The following THAP4 variants were observed in gnomAD, a reference collection of about 807,000 sequenced individuals.
THAP4 encodes the protein THAP domain containing 4.
A neutral mutation model predicts 48.1 loss-of-function variants in THAP4; 18 were observed. That is an observed-to-expected ratio of 0.37 (90% CI 0.26 to 0.56). THAP4 has a LOEUF of 0.56. Among genes scored for constraint, THAP4 ranks in the 20% least tolerant of loss-of-function variants. The pLI is 0.78. For missense variants in THAP4, 656 were observed against 774.9 expected (o/e 0.85, Z 1.82); for synonymous variants, 345 against 324.9 (o/e 1.06, Z -0.66).
intron 2 of THAP4, among the ~76,000 whole-genome samples, chr2:241,613,032 A>G (rs2067297890): frequency 6.6e-6 from 1 of 152,234 alleles, no homozygotes; most frequent in Admixed American, 6.5e-5. Flanking sequence ...TATTATTAAA[A>G]TCGATTTCAC....
Position 241,590,553 on chromosome 2 carries a change from T to A in THAP4, c.1615-5828A>T, listed in dbSNP as rs142162452. Among the ~76,000 whole-genome samples the A allele has an allele frequency of 8.9e-3, 265 of 29,618 alleles. 1 individual carries two copies. Among genetic ancestry groups the A allele is most frequent in the African/African-American group, 0.016 (94 of 5,954 alleles). 19.4% of individuals were successfully genotyped at this position (29,618 alleles called of 152,430 possible). On this transcript the variant is annotated intron_variant, in intron 5 of 5. Coordinates refer to ENST00000407315, the MANE Select transcript of THAP4 (RefSeq NM_015963.6). ...CGGCTGATGATGGGCACTAGGACAC[T>A]CAGAACTGCCCGGCTGATGATGAGG...
At position 241,633,567 on chromosome 2, in the gene THAP4, G is replaced by C; in HGVS notation, c.590C>G (p.Ala197Gly). ...QGKAEASATD[A>G]GDESATSSIE... ...GGAGGAAGTGGCGCTCTCATCGCCAGCATCTGTGGCAGACGCTTCTGCTTT... is the reference window on the plus strand; with the variant it reads ...GGAGGAAGTGGCGCTCTCATCGCCACCATCTGTGGCAGACGCTTCTGCTTT... Residue 197 changes from alanine (A) to glycine (G), a missense_variant, in exon 2 of 6, where the codon GCT (alanine) becomes GGT (glycine). This residue lies in a region of THAP4 where 391 missense variants were observed against 412.4 expected (regional missense o/e 0.95). Coordinates refer to ENST00000407315, the MANE Select transcript of THAP4 (RefSeq NM_015963.6). The surrounding 1 kb of genome is among the most constrained non-coding windows in gnomAD (Gnocchi z 7.5). 1 of 1,613,756 alleles carries C rather than the reference G, an allele frequency of 6.2e-7. No homozygotes were observed. Among genetic ancestry groups the C allele is most frequent in the South Asian group, 1.1e-5 (1 of 91,070 alleles).
intron 2 of THAP4, 89 bp from the exon 3 acceptor site, chr2:241,606,562 T>C: frequency 7.8e-7 from 1 of 1,285,804 alleles, no homozygotes; most frequent in Admixed American, 2.6e-5. Flanking sequence ...ATATCGACGC[T>C]TGCTTCTGGT....
intron 5 of THAP4, among the ~76,000 whole-genome samples, chr2:241,598,742 T>C (rs969660668): frequency 3.3e-5 from 5 of 151,968 alleles, no homozygotes; most frequent in Admixed American, 6.6e-5. Flanking sequence ...CCTCCTGCAG[T>C]GAGGACTGCA....
rs140816644 is a variant in THAP4 at position 241,605,195 on chromosome 2, T to A, written c.1400+1119A>T. On this transcript the variant is annotated intron_variant, in intron 3 of 5. Transcript: ENST00000407315. Reference sequence around the variant, plus strand: ...ACCTCATGCATTCAATCAATAATAATATAAAAAGGTAGGAGATATTTTTAA... The same window carrying A: ...ACCTCATGCATTCAATCAATAATAAAATAAAAAGGTAGGAGATATTTTTAA... Among the ~76,000 whole-genome samples the A allele has an allele frequency of 3.3e-4, 51 of 152,260 alleles. No homozygotes were observed. In the South Asian group the frequency reaches 0.01, roughly 30 times the overall value.
At chr2:241,608,859 A>G (rs1311138174) in intron 2 of THAP4, among the ~76,000 whole-genome samples, 1 of 152,264 alleles carries the variant, frequency 6.6e-6, no homozygotes, top group African/African-American at 2.4e-5. Flanking sequence ...AAGTGTGCAC[A>G]GACCAGGCAG....
chr2:241,611,868 G>A (rs1212162643), intron 2 of THAP4, among the ~76,000 whole-genome samples: 2 of 152,100 alleles, frequency 1.3e-5, no homozygotes, highest in African/African-American at 2.4e-5. Context: ...GTGTGAACAA[G>A]AGCAGCAAAA....
rs543706275 is a variant in THAP4, at chr2:241,601,264, C to A, written c.1614+632G>T. Among the ~76,000 whole-genome samples, 4 of 152,224 alleles carry A rather than the reference C, an allele frequency of 2.6e-5. No homozygotes were observed. In the East Asian group the frequency reaches 7.7e-4, roughly 29 times the overall value. On this transcript the variant is annotated intron_variant, in intron 5 of 5. Coordinates refer to ENST00000407315, the MANE Select transcript of THAP4 (RefSeq NM_015963.6). The surrounding 1 kb of genome is among the most constrained non-coding windows in gnomAD (Gnocchi z 4.0). ...TTGCATTCCAGCCTGGGCAACAGAG[C>A]GAAACTCCGCCTCAAAAAAGAACAA...
At chr2:241,631,370 C>T (rs984203353) in intron 2 of THAP4, among the ~76,000 whole-genome samples, 8 of 152,064 alleles carry the variant, frequency 5.3e-5, no homozygotes, top group East Asian at 1.9e-4. Flanking sequence ...GGAAACCATC[C>T]GCCATATGTA....
intron 2 of THAP4, among the ~76,000 whole-genome samples, chr2:241,624,036 G>A (rs907412079): frequency 6.6e-6 from 1 of 152,178 alleles, no homozygotes; most frequent in African/African-American, 2.4e-5. Context: ...ACGATGGCAA[G>A]TAGTGGGTCC....
intron 5 of THAP4, among the ~76,000 whole-genome samples, chr2:241,591,267 G>A (rs1006699988): frequency 2.0e-5 from 3 of 151,676 alleles, no homozygotes; most frequent in Non-Finnish European, 2.9e-5. Flanking sequence ...AGAGCTGCTC[G>A]GTCTACAGTG....
rs2066865799 is a variant in THAP4 at position 241,584,419 on chromosome 2, C to T, written c.*187G>A. On this transcript the variant is annotated 3_prime_UTR_variant, in exon 6 of 6. Transcript: ENST00000407315. ...TACGCAAGTGATAATATTCAAAATC[C>T]TCAGCCATAAAAATAAAGGCCTTTT... 1.7e-6 allele frequency: 1 copy of T among 599,860 alleles called. No individual in the cohort carries two copies. The highest frequency in any genetic ancestry group is 1.9e-5 in the African/African-American group (1 of 53,930). 37.2% of individuals were successfully genotyped at this position (599,860 alleles called of 1,614,324 possible). A position where few individuals can be genotyped will look rare whatever the true frequency, so the allele number is the denominator to read the frequency against.
chr2:241,595,362 G>A (rs2067035250), intron 5 of THAP4, among the ~76,000 whole-genome samples: 1 of 152,170 alleles, frequency 6.6e-6, no homozygotes. Flanking sequence ...AGACAGCCGG[G>A]TGCAGTGGCT....
At position 241,633,929 on chromosome 2, in the gene THAP4, C is replaced by T; in HGVS notation, c.228G>A (p.Leu76=). 1 of 1,614,132 alleles carries T rather than the reference C, an allele frequency of 6.2e-7. No homozygotes were observed. Among genetic ancestry groups the T allele is most frequent in the Non-Finnish European group, 8.5e-7 (1 of 1,180,030 alleles). The change falls in exon 2 of 6, where the codon CTG becomes CTA. Residue 76 remains leucine, a synonymous_variant. Coordinates refer to ENST00000407315, the MANE Select transcript of THAP4 (RefSeq NM_015963.6). This position sits in a 1 kb window ranked among gnomAD's most constrained non-coding sequence, Gnocchi z 7.5. ...AGATGGATGGCACGGCCGTGGGCTT[C>T]AGCAGGCGATGCTGGTCCTCCAGCC... The part of the protein sequence containing the change: ...SKRLEDQHRL[L]KPTAVPSIFH...
chr2:241,636,742 G>C (rs1456341388), intron 1 of THAP4, among the ~76,000 whole-genome samples, 199 bp downstream of exon 1: 1 of 151,256 alleles, frequency 6.6e-6, no homozygotes, highest in Non-Finnish European at 1.5e-5. Context: ...GGCCGGGGTG[G>C]GGGCGGCTGC....
Position 241,633,058 on chromosome 2 carries a change from C to G in THAP4, c.1099G>C (p.Glu367Gln). 6.2e-7 allele frequency: 1 copy of G among 1,613,990 alleles called. No homozygotes were observed. The highest frequency in any genetic ancestry group is 1.6e-4 in the Middle Eastern group (1 of 6,062). ...CTCTTCAGCTCGCCGTTCTTCTTCT[C>G]CACCTGCTCCCGCAGGCAGCACACC... is the stretch of plus-strand genomic sequence containing the variant. ...SQVCCLREQV[E>Q]KKNGELKSLR... The change falls in exon 2 of 6, where the codon GAG (glutamate) becomes CAG (glutamine). Residue 367 changes from glutamate to glutamine, a missense_variant. This residue lies in a region of THAP4 where 391 missense variants were observed against 412.4 expected (regional missense o/e 0.95). Transcript: ENST00000407315. This position sits in a 1 kb window ranked among gnomAD's most constrained non-coding sequence, Gnocchi z 7.5.
At chr2:241,605,514 C>A (rs2067170838) in intron 3 of THAP4, among the ~76,000 whole-genome samples, 1 of 152,184 alleles carries the variant, frequency 6.6e-6, no homozygotes, top group Admixed American at 6.5e-5. Context: ...ACTGCTATCT[C>A]CCTAAAAGCA....
chr2:241,627,817 C>G (rs780612354), intron 2 of THAP4, among the ~76,000 whole-genome samples: 3 of 152,344 alleles, frequency 2.0e-5, no homozygotes, highest in South Asian at 4.1e-4. Flanking sequence ...TGTGCCCACA[C>G]CGCATGCCCA....
intron 2 of THAP4, among the ~76,000 whole-genome samples, 178 bp from the exon 3 acceptor site, chr2:241,606,651 C>A (rs1389280962): frequency 6.6e-6 from 1 of 152,196 alleles, no homozygotes; most frequent in African/African-American, 2.4e-5. Context: ...GTGAAAGATC[C>A]AGCTTCAGAA....
Sources: gnomAD v4.1 joint callset for allele counts (sites outside exome capture counted in the v4.1 genomes callset) on GRCh38, gnomAD v4.1.1 for gene constraint, gnomAD v4.1.1 regional missense constraint, Gnocchi (gnomAD v3.1) non-coding constraint, MANE v1.5 for transcripts, NCBI Gene and HGNC (gene_info 2026-07-23, HGNC 2026-07-21) for gene names.